ZNF470: variants seen among roughly 807,000 people sequenced by gnomAD.
ZNF470 encodes the protein zinc finger protein 470, also known as chondrogenesis zinc finger protein 1.
ZNF470 carries 13 observed loss-of-function variants against 13.9 expected under a neutral mutation model. That is an observed-to-expected ratio of 0.94 (90% CI 0.61 to 1.49). The LOEUF (loss-of-function observed/expected upper bound fraction) is 1.49, where lower values mean the gene tolerates loss of function less well. ZNF470 is among the 40% of genes most tolerant of loss of function. The pLI is 0.00. For missense variants in ZNF470, 929 were observed against 857.3 expected (o/e 1.08, Z -1.04); for synonymous variants, 293 against 282.9 (o/e 1.04, Z -0.36).
chr19:56,582,168 G>GC lies in ZNF470; in HGVS notation c.*3586dup. 2.0e-6 allele frequency: 2 copies of GC among 985,354 alleles called. No homozygotes were observed. The highest frequency in any genetic ancestry group is 2.4e-6 in the Non-Finnish European group (2 of 829,912). The allele number at this position is 985,354 out of a possible 1,614,324, so 61.0% of individuals were successfully genotyped here. A position where few individuals can be genotyped will look rare whatever the true frequency, so the allele number is the denominator to read the frequency against. ...GAAAGCATCTCATGGTGTGCGATGA[G>GC]CAAACGCCTGATTATTCATTATAGT... On this transcript the variant is annotated 3_prime_UTR_variant, in exon 6 of 6. Coordinates refer to ENST00000330619, the MANE Select transcript of ZNF470 (RefSeq NM_001001668.4).
At chr19:56,571,197 T>G (rs142173287) in intron 3 of ZNF470, among the ~76,000 whole-genome samples, 430 of 152,346 alleles carry the variant, frequency 2.8e-3, no homozygotes, top group African/African-American at 1.0e-2. Context: ...AAGGAATGTT[T>G]TACATCCTTT....
intron 3 of ZNF470, among the ~76,000 whole-genome samples, chr19:56,572,541 C>CCAA (rs1431449499): frequency 1.1e-5 from 1 of 87,266 alleles, no homozygotes; most frequent in African/African-American, 5.0e-5. Flanking sequence ...GACCCTGTCT[C>CCAA]AAAAAAAAAA....
Position 56,581,472 on chromosome 19 carries a change from A to G in ZNF470, c.*2889A>G. ...TAGATAAATGTATTAGTGGCAAAAAAATTAATGGTAAACTATTAAAACAAC... is the reference window on the plus strand; with the variant it reads ...TAGATAAATGTATTAGTGGCAAAAAGATTAATGGTAAACTATTAAAACAAC... On this transcript the variant is annotated 3_prime_UTR_variant, in exon 6 of 6. Transcript: ENST00000330619. 1 of 932,816 alleles carries G rather than the reference A, an allele frequency of 1.1e-6. No homozygotes were observed. The highest frequency in any genetic ancestry group is 1.3e-6 in the Non-Finnish European group (1 of 782,056). 57.8% of individuals were successfully genotyped at this position (932,816 alleles called of 1,614,324 possible). A position where few individuals can be genotyped will look rare whatever the true frequency, so the allele number is the denominator to read the frequency against.
At position 56,578,484 on chromosome 19, in the gene ZNF470, C is replaced by T. The variant is rs149010585; in HGVS notation, c.2055C>T (p.Ala685=). Residue 685 remains alanine (A), a synonymous_variant, in exon 6 of 6, where the codon GCC becomes GCT. Transcript: ENST00000330619. Reference sequence around the variant, plus strand: ...ATGAGTGTAAAGAATGTGGAAAAGCCTTCAGGCAGAGTGTACATCTTGCTC... The same window carrying T: ...ATGAGTGTAAAGAATGTGGAAAAGCTTTCAGGCAGAGTGTACATCTTGCTC... ...RPYECKECGK[A]FRQSVHLAHH... is the part of the protein sequence containing the mutation. 1.1e-5 allele frequency: 17 copies of T among 1,611,762 alleles called. No homozygotes were observed. The highest frequency in any genetic ancestry group is 1.4e-5 in the Non-Finnish European group (16 of 1,178,926).
At chr19:56,574,810 C>T in intron 5 of ZNF470, 77 bp downstream of exon 5, 1 of 1,241,236 alleles carries the variant, frequency 8.1e-7, no homozygotes, top group Admixed American at 2.4e-5. Flanking sequence ...GAAAACACCT[C>T]TCAAACTCCC....
At chr19:56,572,340 C>CAAAAAAAAAAAAAAAAAAAA (rs564410370) in intron 3 of ZNF470, among the ~76,000 whole-genome samples, 1 of 16,408 alleles carries the variant, frequency 6.1e-5, no homozygotes, top group Non-Finnish European at 8.3e-5. Context: ...CCTGTCTCTA[C>CAAAAAAAAAAAAAAAAAAAA]AAAAAAAAAA....
chr19:56,574,154 G>C, intron 3 of ZNF470: 5 of 668,638 alleles, frequency 7.5e-6, no homozygotes, highest in East Asian at 7.2e-5. Flanking sequence ...TCGCCACCTA[G>C]AATTGCAAAT....
Position 56,577,146 on chromosome 19 carries a change from A to G in ZNF470, c.717A>G (p.Lys239=). The G allele has an allele frequency of 6.2e-7, 1 of 1,613,354 alleles. No homozygotes were observed. Among genetic ancestry groups the G allele is most frequent in the South Asian group, 1.1e-5 (1 of 90,914 alleles). Residue 239 remains lysine, a synonymous_variant, in exon 6 of 6, where the codon AAA becomes AAG. Coordinates refer to ENST00000330619, the MANE Select transcript of ZNF470 (RefSeq NM_001001668.4). ...KCNDCEKIFS[K]ISTLTLHQRI... ...ATGACTGTGAGAAAATATTCAGCAA[A>G]ATCTCAACCCTTACTCTTCACCAAA...
At position 56,576,885 on chromosome 19, in the gene ZNF470, G is replaced by C; in HGVS notation, c.456G>C (p.Gln152His). The C allele has an allele frequency of 6.3e-7, 1 of 1,580,954 alleles. No homozygotes were observed. The highest frequency in any genetic ancestry group is 8.5e-7 in the Non-Finnish European group (1 of 1,169,784). ...EDLFERELVN[Q>H]KTHFRQETIT... is the part of the protein sequence containing the mutation. ...TGTTTGAGAGGGAGCTTGTAAACCA[G>C]AAGACACATTTTAGGCAAGAGACCA... Residue 152 changes from glutamine to histidine, a missense_variant, in exon 6 of 6, where the codon CAG becomes CAC. By Grantham distance (24) the Gln-to-His change is conservative. Coordinates refer to ENST00000330619, the MANE Select transcript of ZNF470 (RefSeq NM_001001668.4).
chr19:56,579,677 A>T lies in ZNF470; in HGVS notation c.*1094A>T, dbSNP rs983981259. The T allele has an allele frequency of 1.7e-5, 17 of 985,308 alleles. No individual in the cohort carries two copies. The Admixed American group carries it at 4.9e-4, about 29-fold the overall frequency. 61.0% of individuals were successfully genotyped at this position (985,308 alleles called of 1,614,324 possible). Reference sequence around the variant, plus strand: ...TGAGATTGACAAGACATGCCAAAACATAAAAATATGTACACTGCAATTAGT... The same window carrying T: ...TGAGATTGACAAGACATGCCAAAACTTAAAAATATGTACACTGCAATTAGT... On this transcript the variant is annotated 3_prime_UTR_variant, in exon 6 of 6. Transcript: ENST00000330619.
rs35836571 is a variant in ZNF470 at position 56,571,775 on chromosome 19, A to AT, written c.60+1425dup. ...AGGCCTGTGCCACCACACCTGGCTA[A>AT]TTTTTTTTTTTTTTTTTTTTTAAGT... On this transcript the variant is annotated intron_variant, in intron 3 of 5. Coordinates refer to ENST00000330619, the MANE Select transcript of ZNF470 (RefSeq NM_001001668.4). 1.3e-3 allele frequency among the ~76,000 whole-genome samples: 167 copies of AT among 131,992 alleles called. 2 individuals carry two copies. Among genetic ancestry groups the AT allele is most frequent in the South Asian group, 3.9e-3 (15 of 3,874 alleles). The allele number at this position is 131,992 out of a possible 152,430, so 86.6% of individuals were successfully genotyped here. A position where few individuals can be genotyped will look rare whatever the true frequency, so the allele number is the denominator to read the frequency against.
rs1039994929 is a variant in ZNF470, at chr19:56,581,733, T to G, written c.*3150T>G. On this transcript the variant is annotated 3_prime_UTR_variant, in exon 6 of 6. Transcript: ENST00000330619. ...TTTTCTCTGCCCAGTTTCCCTTGCC[T>G]CCTCCTTTTGGCTGCACTATCTCAT... 46 of 985,436 alleles carry G rather than the reference T, an allele frequency of 4.7e-5. 1 individual carries two copies. In the Admixed American group the frequency reaches 1.1e-3, roughly 24 times the overall value. 61.0% of individuals were successfully genotyped at this position (985,436 alleles called of 1,614,324 possible).
rs1468846441 is a variant in ZNF470 at position 56,578,880 on chromosome 19, A to AT, written c.*299dup. On this transcript the variant is annotated 3_prime_UTR_variant, in exon 6 of 6. Coordinates refer to ENST00000330619, the MANE Select transcript of ZNF470 (RefSeq NM_001001668.4). Reference sequence around the variant, plus strand: ...AGTTATTGCTAAATAAATGCTAGCCATTAAGGTAAAGGTTTCCTTACAAAC... The same window carrying AT: ...AGTTATTGCTAAATAAATGCTAGCCATTTAAGGTAAAGGTTTCCTTACAAAC... The AT allele has an allele frequency of 1.7e-5, 19 of 1,091,430 alleles. No individual in the cohort carries two copies. The highest frequency in any genetic ancestry group is 2.0e-5 in the Non-Finnish European group (18 of 899,066). The allele number at this position is 1,091,430 out of a possible 1,614,324, so 67.6% of individuals were successfully genotyped here.
intron 5 of ZNF470, among the ~76,000 whole-genome samples, chr19:56,575,387 T>C (rs1303270252): frequency 6.6e-6 from 1 of 152,020 alleles, no homozygotes; most frequent in Non-Finnish European, 1.5e-5. Context: ...TTTCTTTCCC[T>C]GTGTACATCA....
Position 56,578,471 on chromosome 19 carries a change from A to C in ZNF470, c.2042A>C (p.Glu681Ala). 6.2e-7 allele frequency: 1 copy of C among 1,612,526 alleles called. No individual in the cohort carries two copies. Among genetic ancestry groups the C allele is most frequent in the South Asian group, 1.1e-5 (1 of 90,950 alleles). Reference sequence around the variant, plus strand: ...GGAGAAAGGCCCTATGAGTGTAAAGAATGTGGAAAAGCCTTCAGGCAGAGT... The same window carrying C: ...GGAGAAAGGCCCTATGAGTGTAAAGCATGTGGAAAAGCCTTCAGGCAGAGT... ...HTGERPYECK[E>A]CGKAFRQSVH... The change falls in exon 6 of 6, where the codon GAA becomes GCA. Residue 681 changes from glutamate (E) to alanine (A), a missense_variant. Transcript: ENST00000330619.
rs2044537754 is a variant in ZNF470, at chr19:56,581,750, C to T, written c.*3167C>T. The T allele has an allele frequency of 2.0e-6, 2 of 985,282 alleles. No homozygotes were observed. Among genetic ancestry groups the T allele is most frequent in the Admixed American group, 6.1e-5 (1 of 16,262 alleles). 61.0% of individuals were successfully genotyped at this position (985,282 alleles called of 1,614,324 possible). The stretch of plus-strand genomic sequence containing the variant: ...CCCTTGCCTCCTCCTTTTGGCTGCA[C>T]TATCTCATCTTTTCCTTTTGAGTAA... On this transcript the variant is annotated 3_prime_UTR_variant, in exon 6 of 6. Coordinates refer to ENST00000330619, the MANE Select transcript of ZNF470 (RefSeq NM_001001668.4).
intron 5 of ZNF470, 43 bp from the exon 6 acceptor site, chr19:56,576,670 A>G: frequency 7.3e-7 from 1 of 1,362,380 alleles, no homozygotes; most frequent in Non-Finnish European, 9.6e-7. Context: ...CCATTATTCT[A>G]GCATTTAATA....
chr19:56,568,135 G>A, intron 1 of ZNF470, 97 bp downstream of exon 1: 1 of 983,828 alleles, frequency 1.0e-6, no homozygotes, highest in East Asian at 1.1e-4. Context: ...GATGTCCCCC[G>A]TTTCTAAGGC....
At chr19:56,571,387 A>T (rs1024161236) in intron 3 of ZNF470, among the ~76,000 whole-genome samples, 5 of 151,996 alleles carry the variant, frequency 3.3e-5, no homozygotes, top group African/African-American at 1.2e-4. Context: ...TTCCTTGTGG[A>T]TTAAAGTTTC....
Sources: allele counts gnomAD v4.1 joint callset (sites outside exome capture counted in the v4.1 genomes callset), GRCh38; gene constraint gnomAD v4.1.1; transcripts MANE v1.5; gene names NCBI Gene and HGNC (gene_info 2026-07-23, HGNC 2026-07-21).